The following HS3ST4 variants were observed in gnomAD, a reference collection of about 807,000 sequenced individuals.
HS3ST4 encodes heparan sulfate-glucosamine 3-sulfotransferase 4, also known as heparan sulfate glucosamine 3-O-sulfotransferase 4.
HS3ST4 carries 17 observed loss-of-function variants against 29.2 expected under a neutral mutation model. That is an observed-to-expected ratio of 0.58 (90% CI 0.40 to 0.87). The LOEUF is 0.87. HS3ST4 is among the 40% of genes least tolerant of loss of function. The pLI is 0.00. For synonymous variants in HS3ST4, 314 were observed against 285.7 expected (o/e 1.10, Z -1.00); for missense variants, 627 against 634.5 (o/e 0.99, Z 0.13).
chr16:25,890,990 A>G (rs1025436844), intron 1 of HS3ST4, among the ~76,000 whole-genome samples: 5 of 152,204 alleles, frequency 3.3e-5, no homozygotes, highest in Non-Finnish European at 7.3e-5. Flanking sequence ...TCTATGGGCA[A>G]GCTCTGAGGG....
chr16:26,034,489 C>T (rs1171643771), intron 1 of HS3ST4, among the ~76,000 whole-genome samples: 1 of 152,198 alleles, frequency 6.6e-6, no homozygotes, highest in Admixed American at 6.5e-5. Flanking sequence ...AGAAAGTCGG[C>T]TTTCCCTTCT....
intron 1 of HS3ST4, among the ~76,000 whole-genome samples, chr16:26,047,187 C>T (rs1462444452): frequency 2.6e-5 from 4 of 152,172 alleles, no homozygotes; most frequent in Admixed American, 2.6e-4. Flanking sequence ...CACCTCCTAA[C>T]AGAGTTCTTG....
At chr16:25,762,876 CAAAAAAAAAA>C (rs67260535) in intron 1 of HS3ST4, among the ~76,000 whole-genome samples, 3 of 60,478 alleles carry the variant, frequency 5.0e-5, no homozygotes, top group East Asian at 1.2e-3. Flanking sequence ...GACCCTGTCT[CAAAAAAAAAA>C]AAAAAAAAAA....
chr16:26,069,921 G>T (rs1188609322), intron 1 of HS3ST4, among the ~76,000 whole-genome samples: 3 of 152,066 alleles, frequency 2.0e-5, no homozygotes. Flanking sequence ...ACTCCATGGT[G>T]CATATGTGCC....
At chr16:26,032,586 T>C in intron 1 of HS3ST4, 1 of 1,390,052 alleles carries the variant, frequency 7.2e-7, no homozygotes, top group Non-Finnish European at 1.0e-6. Context: ...TGGTCTGTTT[T>C]GGCATCTCCA....
intron 1 of HS3ST4, among the ~76,000 whole-genome samples, chr16:25,777,712 G>C (rs1966848905): frequency 6.6e-6 from 1 of 152,158 alleles, no homozygotes; most frequent in African/African-American, 2.4e-5. Context: ...AAGTTGCAGT[G>C]AGCTGAGATC....
chr16:25,920,599 C>CA (rs1265909308), intron 1 of HS3ST4, among the ~76,000 whole-genome samples: 1 of 127,754 alleles, frequency 7.8e-6, no homozygotes, highest in Non-Finnish European at 1.5e-5. Flanking sequence ...CACTGCCGCC[C>CA]CCACCCCTCT....
intron 1 of HS3ST4, among the ~76,000 whole-genome samples, chr16:25,942,351 G>A (rs887070683): frequency 7.2e-5 from 11 of 152,180 alleles, no homozygotes; most frequent in Admixed American, 5.9e-4. Flanking sequence ...AATGTTTGTT[G>A]AGCAATGAGT....
chr16:25,849,209 A>G (rs1208390116), intron 1 of HS3ST4, among the ~76,000 whole-genome samples: 1 of 152,184 alleles, frequency 6.6e-6, no homozygotes, highest in Non-Finnish European at 1.5e-5. Context: ...CCTAATAAAG[A>G]CTGAAATTGT....
chr16:25,776,741 T>C (rs1966847839), intron 1 of HS3ST4, among the ~76,000 whole-genome samples: 1 of 152,208 alleles, frequency 6.6e-6, no homozygotes, highest in African/African-American at 2.4e-5. Flanking sequence ...TATCTGAAGC[T>C]CAAACCCTTT....
chr16:25,962,106 C>T (rs973013260), intron 1 of HS3ST4, among the ~76,000 whole-genome samples: 10 of 152,150 alleles, frequency 6.6e-5, no homozygotes, highest in Non-Finnish European at 1.5e-4. Context: ...GCCTTGAACA[C>T]ACCCAGTAGC....
chr16:25,768,324 G>A (rs1203708570), intron 1 of HS3ST4, among the ~76,000 whole-genome samples: 1 of 152,204 alleles, frequency 6.6e-6, no homozygotes, highest in Admixed American at 6.5e-5. Flanking sequence ...AATAGGGAGT[G>A]TGTCTCTTGG....
At chr16:25,857,972 C>CTTTCTTTCTTTCTTTCTT (rs1221917032) in intron 1 of HS3ST4, among the ~76,000 whole-genome samples, 1 of 40,590 alleles carries the variant, frequency 2.5e-5, no homozygotes, top group Non-Finnish European at 4.4e-5. Context: ...TTCTTTCTTT[C>CTTTCTTTCTTTCTTTCTT]TCTTTTCTGT....
At chr16:25,750,463 C>T (rs1234095166) in intron 1 of HS3ST4, among the ~76,000 whole-genome samples, 4 of 152,198 alleles carry the variant, frequency 2.6e-5, no homozygotes, top group Non-Finnish European at 5.9e-5. Flanking sequence ...TGCAGCTATG[C>T]TTTATAGCCA....
intron 1 of HS3ST4, among the ~76,000 whole-genome samples, chr16:26,105,260 C>T: frequency 6.6e-6 from 1 of 152,272 alleles, no homozygotes; most frequent in African/African-American, 2.4e-5. Flanking sequence ...AAACCAAATA[C>T]TGCATGTTCT....
chr16:25,983,506 C>T (rs1181126044), intron 1 of HS3ST4, among the ~76,000 whole-genome samples: 2 of 152,128 alleles, frequency 1.3e-5, no homozygotes, highest in African/African-American at 4.8e-5. Flanking sequence ...TGTAGCAACC[C>T]CATCTTCCTT....
chr16:25,940,797 C>T (rs539566153), intron 1 of HS3ST4, among the ~76,000 whole-genome samples: 11 of 152,350 alleles, frequency 7.2e-5, no homozygotes, highest in African/African-American at 2.6e-4. Flanking sequence ...GAACATAAAA[C>T]TCCTAACCAA....
chr16:26,110,485 C>A (rs1323501264), intron 1 of HS3ST4, among the ~76,000 whole-genome samples: 1 of 152,180 alleles, frequency 6.6e-6, no homozygotes, highest in African/African-American at 2.4e-5. Flanking sequence ...ATATTTTATT[C>A]TTCCAGTTTC....
At chr16:25,828,343 TCCC>T (rs1967257585) in intron 1 of HS3ST4, among the ~76,000 whole-genome samples, 8 of 138,568 alleles carry the variant, frequency 5.8e-5, no homozygotes, top group East Asian at 2.1e-4. Context: ...TCTCTCTTTC[TCCC>T]TTTCTCTCTC....
Sources: allele counts gnomAD v4.1 joint callset (sites outside exome capture counted in the v4.1 genomes callset), GRCh38; gene constraint gnomAD v4.1.1; transcripts MANE v1.5; gene names NCBI Gene and HGNC (gene_info 2026-07-23, HGNC 2026-07-21).